Variants in FCHSD2 observed in about 807,000 individuals in gnomAD.
FCHSD2 encodes the protein F-BAR and double SH3 domains protein 2.
FCHSD2 carries 38 observed loss-of-function variants against 108.1 expected under a neutral mutation model. The ratio of observed to expected loss-of-function variants is 0.35; its 90% CI spans 0.27 to 0.46. The LOEUF (loss-of-function observed/expected upper bound fraction) is 0.46. FCHSD2 is among the 20% of genes least tolerant of loss of function. The pLI is 1.00. For missense variants in FCHSD2, 751 were observed against 897.8 expected, an observed-to-expected ratio of 0.84 and a Z score of 2.09; for synonymous variants, 279 against 314.7, an observed-to-expected ratio of 0.89 and a Z score of 1.20.
At chr11:73,058,810 C>T (rs575151546) in intron 3 of FCHSD2, among the ~76,000 whole-genome samples, 8 of 152,020 alleles carry the variant, frequency 5.3e-5, no homozygotes, top group Middle Eastern at 3.4e-3. Flanking sequence ...TCAGGTGATC[C>T]GCCTGCCTCA....
chr11:73,003,577 C>T (rs929722525), intron 4 of FCHSD2, among the ~76,000 whole-genome samples: 3 of 150,268 alleles, frequency 2.0e-5, no homozygotes, highest in Non-Finnish European at 3.0e-5. Flanking sequence ...AGCTCCACCT[C>T]CCGGGTTCAC....
At chr11:72,936,219 A>T (rs1856297557) in intron 8 of FCHSD2, among the ~76,000 whole-genome samples, 1 of 152,214 alleles carries the variant, frequency 6.6e-6, no homozygotes, top group Non-Finnish European at 1.5e-5. Context: ...ATGTTCTACC[A>T]GAGAATTTCA....
chr11:73,108,670 G>A (rs1372301006), intron 2 of FCHSD2, among the ~76,000 whole-genome samples: 3 of 152,136 alleles, frequency 2.0e-5, no homozygotes, highest in African/African-American at 4.8e-5. Context: ...CCGGGTTCAC[G>A]CCATTCTCCT....
rs889180267 is a variant in FCHSD2 at position 72,916,300 on chromosome 11, C to CTT, written c.828+5526_828+5527dup. Among the ~76,000 whole-genome samples, 88 of 120,220 alleles carry CTT rather than the reference C, an allele frequency of 7.3e-4. No homozygotes were observed. In the South Asian group the frequency reaches 0.012, roughly 16 times the overall value. The allele number at this position is 120,220 out of a possible 152,430, so 78.9% of individuals were successfully genotyped here. Reference sequence around the variant, plus strand: ...ATTTCATTGACCTTTTGGTACACAACTTTTTTTTTTTTTTTTTTTTTTTTA... The same window carrying CTT: ...ATTTCATTGACCTTTTGGTACACAACTTTTTTTTTTTTTTTTTTTTTTTTTTA... On this transcript the variant is annotated intron_variant, in intron 9 of 19. Coordinates refer to ENST00000409418, the MANE Select transcript of FCHSD2 (RefSeq NM_014824.3).
chr11:72,865,151 G>A (rs1854693939), intron 13 of FCHSD2, among the ~76,000 whole-genome samples: 1 of 152,156 alleles, frequency 6.6e-6, no homozygotes, highest in South Asian at 2.1e-4. Flanking sequence ...ATGTTTTCCA[G>A]ATGACGAATG....
At chr11:72,975,321 A>C (rs1238295567) in intron 8 of FCHSD2, among the ~76,000 whole-genome samples, 4 of 152,180 alleles carry the variant, frequency 2.6e-5, no homozygotes, top group African/African-American at 9.7e-5. Context: ...TATATCCAGC[A>C]GTAGAGAGTA....
intron 6 of FCHSD2, among the ~76,000 whole-genome samples, chr11:72,988,214 T>C (rs773209250): frequency 7.9e-5 from 12 of 152,364 alleles, no homozygotes; most frequent in East Asian, 3.9e-4. Context: ...ACACTGACCC[T>C]GAGTCTCAGC....
intron 5 of FCHSD2, 117 bp from the exon 6 acceptor site, chr11:72,989,214 T>C (rs1857365633): frequency 2.9e-6 from 2 of 699,230 alleles, no homozygotes; most frequent in Non-Finnish European, 4.6e-6. Flanking sequence ...GAAAAGTCAG[T>C]ACGTTCAGTG....
At chr11:72,965,951 C>A (rs1203005608) in intron 8 of FCHSD2, among the ~76,000 whole-genome samples, 2 of 151,952 alleles carry the variant, frequency 1.3e-5, no homozygotes, top group East Asian at 1.9e-4. Flanking sequence ...GATACAATCT[C>A]AAAAATATAA....
chr11:73,048,805 G>A (rs56283764), intron 3 of FCHSD2, among the ~76,000 whole-genome samples: 2,598 of 152,222 alleles, frequency 0.017, 38 homozygotes, highest in African/African-American at 0.042. Flanking sequence ...AGAAAGGGTG[G>A]GGAATGAATA....
chr11:72,963,770 C>T (rs1329115003), intron 8 of FCHSD2, among the ~76,000 whole-genome samples: 1 of 152,120 alleles, frequency 6.6e-6, no homozygotes, highest in Non-Finnish European at 1.5e-5. Context: ...ATTCTGCTGC[C>T]CATCTGACAG....
chr11:73,042,967 C>A (rs1858676343), intron 3 of FCHSD2, among the ~76,000 whole-genome samples: 1 of 151,992 alleles, frequency 6.6e-6, no homozygotes, highest in Non-Finnish European at 1.5e-5. Context: ...AATCTTTAGG[C>A]TTTTCTATAT....
intron 10 of FCHSD2, among the ~76,000 whole-genome samples, chr11:72,892,209 A>T (rs1855327248): frequency 1.3e-5 from 2 of 152,226 alleles, no homozygotes; most frequent in South Asian, 4.1e-4. Context: ...TTTGCCTTAC[A>T]GAATTTATAC....
chr11:72,893,738 ACT>A (rs897692462), intron 10 of FCHSD2, among the ~76,000 whole-genome samples: 11 of 150,440 alleles, frequency 7.3e-5, no homozygotes, highest in African/African-American at 2.7e-4. Flanking sequence ...ACAGAGGGAG[ACT>A]CTGTCTCCAA....
At chr11:73,020,240 T>C (rs937390062) in intron 3 of FCHSD2, among the ~76,000 whole-genome samples, 2 of 152,188 alleles carry the variant, frequency 1.3e-5, no homozygotes, top group Non-Finnish European at 2.9e-5. Context: ...CACTGTTGAG[T>C]AGACACTAGG....
chr11:73,062,502 A>G (rs1859191637), intron 3 of FCHSD2, among the ~76,000 whole-genome samples: 1 of 152,234 alleles, frequency 6.6e-6, no homozygotes, highest in Admixed American at 6.5e-5. Flanking sequence ...AAGCTAAAGG[A>G]GCATGTTCTA....
At chr11:72,902,980 T>C (rs565828083) in intron 9 of FCHSD2, among the ~76,000 whole-genome samples, 10 of 152,268 alleles carry the variant, frequency 6.6e-5, no homozygotes, top group African/African-American at 2.2e-4. Flanking sequence ...AGGAAACACA[T>C]TGGTCTTTGC....
chr11:73,000,016 T>C (rs1057366911), intron 5 of FCHSD2, among the ~76,000 whole-genome samples: 1 of 152,182 alleles, frequency 6.6e-6, no homozygotes, highest in Admixed American at 6.5e-5. Context: ...CTTATACAAA[T>C]ATGTTTAACT....
chr11:73,057,146 G>A (rs926619265), intron 3 of FCHSD2, among the ~76,000 whole-genome samples: 2 of 152,008 alleles, frequency 1.3e-5, no homozygotes, highest in African/African-American at 4.8e-5. Flanking sequence ...GATTTGCATC[G>A]TGAAGTACAT....
Sources: allele counts gnomAD v4.1 joint callset (sites outside exome capture counted in the v4.1 genomes callset), GRCh38; gene constraint gnomAD v4.1.1; transcripts MANE v1.5; gene names NCBI Gene and HGNC (gene_info 2026-07-23, HGNC 2026-07-21).